Variants in ADAMTSL3 observed in about 807,000 individuals in gnomAD.
ADAMTSL3 encodes the protein ADAMTS like 3.
Under a neutral mutation model 201.7 loss-of-function variants are expected in ADAMTSL3, and 128 were observed. The ratio of observed to expected loss-of-function variants is 0.63; its 90% CI spans 0.55 to 0.73. ADAMTSL3 has a LOEUF of 0.73. ADAMTSL3 is among the 30% of genes least tolerant of loss of function. ADAMTSL3 has a pLI of 0.00. For synonymous variants in ADAMTSL3, 738 were observed against 748.4 expected (o/e 0.99, Z 0.23); for missense variants, 1,990 against 2,119.6 (o/e 0.94, Z 1.20).
At chr15:83,850,028 A>T (rs987192198) in intron 7 of ADAMTSL3, among the ~76,000 whole-genome samples, 3 of 152,150 alleles carry the variant, frequency 2.0e-5, no homozygotes, top group Non-Finnish European at 4.4e-5. Context: ...TGGTGAGGAA[A>T]TATACCTTCT....
At chr15:83,684,947 T>C (rs532184361) in intron 2 of ADAMTSL3, among the ~76,000 whole-genome samples, 20 of 152,202 alleles carry the variant, frequency 1.3e-4, no homozygotes, top group Non-Finnish European at 2.6e-4. Flanking sequence ...ATGGCAACAA[T>C]GTATAGTTTA....
chr15:83,940,954 T>C (rs1456212847), intron 17 of ADAMTSL3, among the ~76,000 whole-genome samples: 1 of 152,136 alleles, frequency 6.6e-6, no homozygotes, highest in African/African-American at 2.4e-5. Flanking sequence ...TGTAATTCCT[T>C]AGAAAGTTAT....
At chr15:83,667,739 G>A (rs1381033692) in intron 2 of ADAMTSL3, among the ~76,000 whole-genome samples, 1 of 151,934 alleles carries the variant, frequency 6.6e-6, no homozygotes, top group African/African-American at 2.4e-5. Flanking sequence ...CACCAAAAAT[G>A]ACATGGTACA....
chr15:83,829,263 A>G (rs2064097447), intron 6 of ADAMTSL3, among the ~76,000 whole-genome samples: 1 of 152,118 alleles, frequency 6.6e-6, no homozygotes, highest in Non-Finnish European at 1.5e-5. Context: ...GGGAGGGTGT[A>G]TGTGTCCAGG....
chr15:83,729,114 G>A (rs1382564403), intron 3 of ADAMTSL3, among the ~76,000 whole-genome samples: 1 of 152,064 alleles, frequency 6.6e-6, no homozygotes, highest in African/African-American at 2.4e-5. Context: ...CACTGAGGAG[G>A]CTGCTGCCAG....
intron 3 of ADAMTSL3, among the ~76,000 whole-genome samples, chr15:83,737,498 C>T (rs1456770431): frequency 1.3e-5 from 2 of 152,146 alleles, no homozygotes; most frequent in Non-Finnish European, 2.9e-5. Context: ...TCTCTCTTGC[C>T]TGCCACCACG....
At chr15:83,712,551 A>G (rs2061947263) in intron 3 of ADAMTSL3, among the ~76,000 whole-genome samples, 1 of 152,188 alleles carries the variant, frequency 6.6e-6, no homozygotes, top group African/African-American at 2.4e-5. Flanking sequence ...ACCACTGATC[A>G]GAGCATTCAC....
At chr15:83,963,292 G>A (rs999845745) in intron 19 of ADAMTSL3, among the ~76,000 whole-genome samples, 2 of 152,360 alleles carry the variant, frequency 1.3e-5, no homozygotes, top group African/African-American at 2.4e-5. Flanking sequence ...GCAGTGCGAA[G>A]TTGACCTGGG....
intron 17 of ADAMTSL3, among the ~76,000 whole-genome samples, chr15:83,928,629 G>T (rs1276439117): frequency 2.6e-5 from 4 of 152,200 alleles, no homozygotes; most frequent in African/African-American, 9.6e-5. Context: ...TGCTCTGGAA[G>T]TGAAGGTAGC....
intron 2 of ADAMTSL3, among the ~76,000 whole-genome samples, chr15:83,660,273 A>G (rs1291927773): frequency 6.6e-6 from 1 of 152,112 alleles, no homozygotes; most frequent in Non-Finnish European, 1.5e-5. Flanking sequence ...CTCCATAGCA[A>G]TTTCACCATC....
At chr15:83,700,011 G>A (rs1007789727) in intron 2 of ADAMTSL3, among the ~76,000 whole-genome samples, 4 of 152,176 alleles carry the variant, frequency 2.6e-5, no homozygotes, top group African/African-American at 9.7e-5. Flanking sequence ...CCTCTAGGAT[G>A]TAACCTCCAT....
At chr15:84,018,377 A>G (rs2068126099) in intron 25 of ADAMTSL3, among the ~76,000 whole-genome samples, 1 of 152,232 alleles carries the variant, frequency 6.6e-6, no homozygotes, top group African/African-American at 2.4e-5. Flanking sequence ...CTAGTGTTGG[A>G]CAGGGTGGTG....
At chr15:83,728,952 C>T (rs757694593) in intron 3 of ADAMTSL3, among the ~76,000 whole-genome samples, 3 of 152,030 alleles carry the variant, frequency 2.0e-5, no homozygotes, top group Non-Finnish European at 2.9e-5. Flanking sequence ...TTGATGAAAT[C>T]TCTCAGTTTT....
intron 12 of ADAMTSL3, 37 bp downstream of exon 12, chr15:83,891,416 AGT>A: frequency 6.4e-7 from 1 of 1,571,342 alleles, no homozygotes; most frequent in Non-Finnish European, 8.8e-7. Context: ...TTGCAATTTA[AGT>A]AGTTTGCAAG....
At chr15:83,748,969 TC>T (rs1390228530) in intron 3 of ADAMTSL3, among the ~76,000 whole-genome samples, 1 of 152,106 alleles carries the variant, frequency 6.6e-6, no homozygotes, top group Non-Finnish European at 1.5e-5. Flanking sequence ...CTTGGGAGTT[TC>T]TTGGGATTGA....
chr15:83,754,983 T>C (rs1301306866), intron 3 of ADAMTSL3, among the ~76,000 whole-genome samples: 2 of 152,246 alleles, frequency 1.3e-5, no homozygotes, highest in Admixed American at 1.3e-4. Flanking sequence ...TATGTTATTA[T>C]ATATGCTAAT....
At chr15:83,706,635 CTCTTTTTTCTTT>C (rs1173638458) in intron 3 of ADAMTSL3, among the ~76,000 whole-genome samples, 2 of 151,966 alleles carry the variant, frequency 1.3e-5, no homozygotes, top group Non-Finnish European at 2.9e-5. Context: ...ATTCTCTTTC[CTCTTTTTTCTTT>C]TCTTTTTTTT....
At chr15:83,712,555 C>A (rs2061947353) in intron 3 of ADAMTSL3, among the ~76,000 whole-genome samples, 1 of 152,192 alleles carries the variant, frequency 6.6e-6, no homozygotes, top group African/African-American at 2.4e-5. Flanking sequence ...CTGATCAGAG[C>A]ATTCACCAAA....
At position 83,970,647 on chromosome 15, in the gene ADAMTSL3, C is replaced by T. The variant is rs747874712; in HGVS notation, c.2644+10C>T. ...ATGCCTGAGTGCAGTAGTAAGTATG[C>T]GGTGTCCGCGCTTCACCAAGATATG... is the stretch of plus-strand genomic sequence containing the variant. On this transcript the variant is annotated intron_variant, in intron 20 of 29. Coordinates refer to ENST00000286744, the MANE Select transcript of ADAMTSL3 (RefSeq NM_207517.3). 4.6e-5 allele frequency: 74 copies of T among 1,613,370 alleles called. No individual in the cohort carries two copies. The highest frequency in any genetic ancestry group is 1.1e-4 in the African/African-American group (8 of 74,920).
Sources: allele counts gnomAD v4.1 joint callset (sites outside exome capture counted in the v4.1 genomes callset), GRCh38; gene constraint gnomAD v4.1.1; transcripts MANE v1.5; gene names NCBI Gene and HGNC (gene_info 2026-07-23, HGNC 2026-07-21).